Variants in RORB observed in about 807,000 individuals in gnomAD.
RORB encodes the protein nuclear receptor ROR-beta.
In RORB, 6 loss-of-function variants were observed where a neutral mutation model predicts 59.1. The ratio of observed to expected loss-of-function variants is 0.10; its 90% CI spans 0.06 to 0.20. The LOEUF is 0.20. Among genes scored for constraint, RORB ranks in the 10% least tolerant of loss-of-function variants. The pLI, the probability that RORB is intolerant of heterozygous loss-of-function variation, is 1.00. For synonymous variants in RORB, 215 were observed against 204.5 expected (o/e 1.05, Z -0.44); for missense variants, 320 against 560.5 (o/e 0.57, Z 4.33).
chr9:74,498,585 G>A (rs1424325762), intron 1 of RORB: 1 of 152,444 alleles, frequency 6.6e-6, no homozygotes, highest in African/African-American at 2.4e-5. Flanking sequence ...ACAGTTCTGC[G>A]GCGCGCGCCT....
chr9:74,628,929 G>C (rs531407394), intron 1 of RORB, among the ~76,000 whole-genome samples: 46 of 151,962 alleles, frequency 3.0e-4, no homozygotes, highest in Non-Finnish European at 5.6e-4. Flanking sequence ...CTATATACAG[G>C]ACTTTACACC....
At chr9:74,548,909 T>G (rs1356714333) in intron 1 of RORB, among the ~76,000 whole-genome samples, 1 of 152,202 alleles carries the variant, frequency 6.6e-6, no homozygotes, top group Non-Finnish European at 1.5e-5. Flanking sequence ...GGATAATACC[T>G]CTTATGTGTT....
chr9:74,619,847 T>A (rs1270556588), intron 1 of RORB, among the ~76,000 whole-genome samples: 2 of 152,232 alleles, frequency 1.3e-5, no homozygotes, highest in Non-Finnish European at 2.9e-5. Flanking sequence ...TTACACTTAT[T>A]GATTTGTGTA....
At position 74,659,766 on chromosome 9, in the gene RORB, A is replaced by G. The variant is rs1422235752; in HGVS notation, c.638-851A>G. Reference sequence around the variant, plus strand: ...AAGGAGAGCTCTTATGTCTGGTTCTATTGCTCAACTTTCATGTCTCCAAAC... The same window carrying G: ...AAGGAGAGCTCTTATGTCTGGTTCTGTTGCTCAACTTTCATGTCTCCAAAC... On this transcript the variant is annotated intron_variant, in intron 4 of 9. Transcript: ENST00000376896. Among the ~76,000 whole-genome samples the G allele has an allele frequency of 2.0e-5, 3 of 152,106 alleles. No homozygotes were observed. The East Asian group carries it at 5.8e-4, about 29-fold the overall frequency.
intron 1 of RORB, among the ~76,000 whole-genome samples, chr9:74,621,288 G>A (rs1476621269): frequency 6.6e-6 from 1 of 151,652 alleles, no homozygotes; most frequent in African/African-American, 2.4e-5. Flanking sequence ...CCAAACCCAT[G>A]GCAACTAATG....
At chr9:74,580,655 A>T (rs929019835) in intron 1 of RORB, among the ~76,000 whole-genome samples, 7 of 152,150 alleles carry the variant, frequency 4.6e-5, no homozygotes, top group Admixed American at 3.9e-4. Flanking sequence ...AAATATGTTC[A>T]TCAGGGATAG....
At chr9:74,582,525 C>A (rs1249350556) in intron 1 of RORB, among the ~76,000 whole-genome samples, 1 of 152,186 alleles carries the variant, frequency 6.6e-6, no homozygotes. Context: ...ATGCCAAATA[C>A]CCTTCACAGT....
At position 74,667,759 on chromosome 9, in the gene RORB, A is replaced by G. The variant is rs1401242252; in HGVS notation, c.1001-32A>G. 3.6e-6 allele frequency: 5 copies of G among 1,379,768 alleles called. No individual in the cohort carries two copies. The Admixed American group carries it at 5.0e-5, about 14-fold the overall frequency. The allele number at this position is 1,379,768 out of a possible 1,614,324, so 85.5% of individuals were successfully genotyped here. A position where few individuals can be genotyped will look rare whatever the true frequency, so the allele number is the denominator to read the frequency against. On this transcript the variant is annotated intron_variant, in intron 7 of 9. Transcript: ENST00000376896. ...CTCTTGCCCCATTTCAAGTTCAAGT[A>G]TTTTTATTCCATTTTTCTTCTTCCT... is the stretch of plus-strand genomic sequence containing the variant.
intron 1 of RORB, among the ~76,000 whole-genome samples, chr9:74,510,243 G>T (rs1290180164): frequency 2.6e-5 from 4 of 152,068 alleles, no homozygotes; most frequent in Non-Finnish European, 5.9e-5. Context: ...GCCACAATGG[G>T]TTTCTTCCTC....
chr9:74,669,473 C>T (rs1816336589), intron 8 of RORB, among the ~76,000 whole-genome samples: 1 of 122,806 alleles, frequency 8.1e-6, no homozygotes, highest in South Asian at 2.3e-4. Context: ...GACCGAAACT[C>T]TGTCTCAAAA....
At chr9:74,511,996 A>T (rs1825946210) in intron 1 of RORB, among the ~76,000 whole-genome samples, 1 of 152,034 alleles carries the variant, frequency 6.6e-6, no homozygotes, top group Non-Finnish European at 1.5e-5. Flanking sequence ...GATAACAATA[A>T]TAAGAAGAAA....
At chr9:74,630,409 G>A in intron 2 of RORB, 42 bp downstream of exon 2, 3 of 1,506,992 alleles carry the variant, frequency 2.0e-6, no homozygotes, top group South Asian at 1.2e-5. Context: ...TTTGCCTCAG[G>A]CATCTGTGTA....
intron 1 of RORB, among the ~76,000 whole-genome samples, chr9:74,618,543 G>A (rs58025507): frequency 0.014 from 2,100 of 151,998 alleles, 60 homozygotes; most frequent in African/African-American, 0.049. Flanking sequence ...GTCCTGGCTC[G>A]TCTCTTTTTT....
At chr9:74,579,925 C>G (rs1280809207) in intron 1 of RORB, among the ~76,000 whole-genome samples, 6 of 152,098 alleles carry the variant, frequency 3.9e-5, no homozygotes, top group African/African-American at 1.2e-4. Flanking sequence ...ATGCAGTTAA[C>G]TATAGTCTGA....
intron 9 of RORB, among the ~76,000 whole-genome samples, chr9:74,677,430 G>A (rs925852944): frequency 6.6e-6 from 1 of 152,176 alleles, no homozygotes; most frequent in Non-Finnish European, 1.5e-5. Context: ...ATGATTATAT[G>A]TTGAAATAAT....
intron 1 of RORB, among the ~76,000 whole-genome samples, chr9:74,535,866 G>A (rs1479996059): frequency 6.6e-6 from 1 of 152,050 alleles, no homozygotes; most frequent in East Asian, 1.9e-4. Context: ...CCAAATGTAA[G>A]TACAAATGAC....
intron 9 of RORB, among the ~76,000 whole-genome samples, chr9:74,676,463 G>T (rs555891020): frequency 6.6e-5 from 10 of 152,360 alleles, no homozygotes; most frequent in African/African-American, 2.2e-4. Context: ...GGCTTAGAGA[G>T]GATGTTGCTT....
chr9:74,591,246 T>C (rs1438137783), intron 1 of RORB, among the ~76,000 whole-genome samples: 1 of 152,216 alleles, frequency 6.6e-6, no homozygotes, highest in Non-Finnish European at 1.5e-5. Context: ...ACTTCTAAAA[T>C]TCAACTAGCT....
rs201636944 is a variant in RORB at position 74,634,750 on chromosome 9, T to C, written c.213T>C (p.Leu71=). ...AACACTGCCGACTGCAGAAGTGTCT[T>C]GCCCTAGGAATGTCAAGAGATGGTA... The part of the protein sequence containing the change: ...RCQHCRLQKC[L]ALGMSRDAVK... The change falls in exon 3 of 10, where the codon CTT becomes CTC. Residue 71 remains leucine (L), a synonymous_variant. Transcript: ENST00000376896. 13 of 1,613,154 alleles carry C rather than the reference T, an allele frequency of 8.1e-6. No homozygotes were observed. Among genetic ancestry groups the C allele is most frequent in the Non-Finnish European group, 1.0e-5 (12 of 1,179,546 alleles).
Sources: gnomAD v4.1 joint callset for allele counts (sites outside exome capture counted in the v4.1 genomes callset) on GRCh38, gnomAD v4.1.1 for gene constraint, MANE v1.5 for transcripts, NCBI Gene and HGNC (gene_info 2026-07-23, HGNC 2026-07-21) for gene names.